Variants in CNOT10 observed in about 807,000 individuals in gnomAD.
CNOT10 encodes CCR4-NOT transcription complex, subunit 10.
Under a neutral mutation model 94.6 loss-of-function variants are expected in CNOT10, and 30 were observed. That is an observed-to-expected ratio of 0.32 (90% CI 0.24 to 0.43). CNOT10 has a LOEUF of 0.43. Ranked by LOEUF, CNOT10 falls within the 20% of genes least tolerant of loss-of-function variation. The pLI, the probability that CNOT10 is intolerant of heterozygous loss-of-function variation, is 1.00. For synonymous variants in CNOT10, 289 were observed against 301.6 expected (o/e 0.96, Z 0.43); for missense variants, 759 against 877.2 (o/e 0.87, Z 1.70).
chr3:32,773,465 C>T lies in CNOT10; in HGVS notation c.2089C>T (p.Gln697Ter). 1 of 1,612,800 alleles carries T rather than the reference C, an allele frequency of 6.2e-7. No individual in the cohort carries two copies. The highest frequency in any genetic ancestry group is 8.5e-7 in the Non-Finnish European group (1 of 1,179,532). ...GGGAAGTGTTTTTATAGGTAATACTCAGCTGGCCTTACAGATCATCAAAAG... is the reference window on the plus strand; with the variant it reads ...GGGAAGTGTTTTTATAGGTAATACTTAGCTGGCCTTACAGATCATCAAAAG... ...VYLELQNGNT[Q>*]LALQIIKRNQ... Residue 697 changes from glutamine (Q) to a stop codon, truncating the protein, a stop_gained, in exon 19 of 19, where the codon CAG becomes TAG. Coordinates refer to ENST00000328834, the MANE Select transcript of CNOT10 (RefSeq NM_015442.3). LOFTEE classifies it high-confidence loss of function.
intron 1 of CNOT10, 127 bp downstream of exon 1, chr3:32,685,609 T>A: frequency 9.9e-7 from 1 of 1,006,624 alleles, no homozygotes; most frequent in Non-Finnish European, 1.5e-6. Context: ...TGCATTTCTT[T>A]ACCCCATCCT....
chr3:32,724,112 CAA>C (rs1698542420), intron 8 of CNOT10, among the ~76,000 whole-genome samples: 1 of 151,810 alleles, frequency 6.6e-6, no homozygotes, highest in South Asian at 2.1e-4. Context: ...GGGTGAAAGA[CAA>C]GAGGCAACAC....
intron 17 of CNOT10, among the ~76,000 whole-genome samples, chr3:32,768,275 CAG>C (rs1700734469): frequency 6.6e-6 from 1 of 152,022 alleles, no homozygotes; most frequent in Non-Finnish European, 1.5e-5. Flanking sequence ...GGATGGAAAA[CAG>C]AGATTTTACT....
intron 8 of CNOT10, among the ~76,000 whole-genome samples, chr3:32,724,574 G>A (rs111280733): frequency 0.061 from 9,317 of 152,046 alleles, 331 homozygotes; most frequent in African/African-American, 0.09. Context: ...CACCACGCCC[G>A]GCTAATTTTT....
Position 32,704,991 on chromosome 3 carries a change from T to G in CNOT10, c.279+19T>G, listed in dbSNP as rs201152620. 4.2e-6 allele frequency: 6 copies of G among 1,440,038 alleles called. No homozygotes were observed. In the Admixed American group the frequency reaches 1.7e-4, roughly 40 times the overall value. The allele number at this position is 1,440,038 out of a possible 1,614,324, so 89.2% of individuals were successfully genotyped here. On this transcript the variant is annotated intron_variant, in intron 3 of 18. Coordinates refer to ENST00000328834, the MANE Select transcript of CNOT10 (RefSeq NM_015442.3). ...GAATCAGGTGATACATAAATGAATT[T>G]AACTATAAAAAATATTGTTCTGTTC...
chr3:32,763,050 A>G (rs1575309383), intron 15 of CNOT10, among the ~76,000 whole-genome samples, 187 bp downstream of exon 15: 1 of 152,248 alleles, frequency 6.6e-6, no homozygotes, highest in Non-Finnish European at 1.5e-5. Flanking sequence ...TAATGATCAC[A>G]TCATCTAAAT....
intron 13 of CNOT10, chr3:32,753,912 T>G: frequency 2.5e-6 from 3 of 1,197,144 alleles, no homozygotes; most frequent in Non-Finnish European, 2.4e-6. Context: ...ATAAATTAAT[T>G]TGCTCTCACA....
At chr3:32,734,374 A>G (rs960489924) in intron 11 of CNOT10, among the ~76,000 whole-genome samples, 1 of 152,220 alleles carries the variant, frequency 6.6e-6, no homozygotes, top group Non-Finnish European at 1.5e-5. Flanking sequence ...CAAAGTGTAT[A>G]GAGGCATTTT....
In CNOT10 at chr3:32,703,916, C is replaced by G. The variant is rs368778952; in HGVS notation, c.71C>G (p.Thr24Ser). Reference protein sequence around the residue: ...HEGTGQSSGITDQEKELSTNA... With the variant: ...HEGTGQSSGISDQEKELSTNA... Reference sequence around the variant, plus strand: ...GGCACAGGTCAGTCCTCTGGGATCACTGATCAAGAGAAGGAGTTATCCACC... The same window carrying G: ...GGCACAGGTCAGTCCTCTGGGATCAGTGATCAAGAGAAGGAGTTATCCACC... Residue 24 changes from threonine to serine, a missense_variant, in exon 2 of 19, where the codon ACT becomes AGT. Thr to Ser is a moderately conservative substitution (Grantham distance 58). Around this residue, in one of 3 missense-constraint regions of CNOT10, gnomAD observed 682 missense variants for 799.4 expected, o/e 0.85. Coordinates refer to ENST00000328834, the MANE Select transcript of CNOT10 (RefSeq NM_015442.3). 84 of 1,613,908 alleles carry G rather than the reference C, an allele frequency of 5.2e-5. No individual in the cohort carries two copies. Among genetic ancestry groups the G allele is most frequent in the Admixed American group, 1.5e-4 (9 of 60,012 alleles).
intron 15 of CNOT10, 67 bp from the exon 16 acceptor site, chr3:32,764,388 C>CGAG: frequency 6.6e-7 from 1 of 1,519,404 alleles, no homozygotes; most frequent in Non-Finnish European, 9.0e-7. Flanking sequence ...CTTCTGAGCC[C>CGAG]GAGGAGAAAA....
chr3:32,711,197 G>C (rs1272664628), intron 4 of CNOT10, among the ~76,000 whole-genome samples: 7 of 152,138 alleles, frequency 4.6e-5, no homozygotes, highest in African/African-American at 1.4e-4. Flanking sequence ...CCATCCCTTG[G>C]TATTCAAGGG....
chr3:32,709,620 C>G (rs6771351), intron 4 of CNOT10, among the ~76,000 whole-genome samples: 5,959 of 152,140 alleles, frequency 0.039, 185 homozygotes, highest in African/African-American at 0.079. Flanking sequence ...GCTCCAGAGA[C>G]CCATTCTGAG....
chr3:32,725,626 G>T (rs771157793), intron 9 of CNOT10, 27 bp downstream of exon 9: 30 of 1,567,342 alleles, frequency 1.9e-5, no homozygotes, highest in Non-Finnish European at 2.5e-5. Flanking sequence ...GGGACAGTTT[G>T]TATTTACTAC....
intron 4 of CNOT10, 93 bp downstream of exon 4, chr3:32,708,913 TC>T: frequency 1.1e-6 from 1 of 946,256 alleles, no homozygotes; most frequent in Non-Finnish European, 1.5e-6. Flanking sequence ...ATCCGAGAAG[TC>T]CATGCCAGTA....
intron 18 of CNOT10, among the ~76,000 whole-genome samples, chr3:32,770,389 G>T (rs1193936068): frequency 4.0e-5 from 5 of 126,492 alleles, no homozygotes; most frequent in Non-Finnish European, 7.9e-5. Context: ...GCAGTGGCGC[G>T]ATCTCGGCTC....
rs751792752 is a variant in CNOT10 at position 32,734,764 on chromosome 3, T to G, written c.1338-36T>G. The G allele has an allele frequency of 5.3e-6, 8 of 1,497,690 alleles. No individual in the cohort carries two copies. The South Asian group carries it at 1.0e-4, about 19-fold the overall frequency. The allele number at this position is 1,497,690 out of a possible 1,614,324, so 92.8% of individuals were successfully genotyped here. On this transcript the variant is annotated intron_variant, in intron 11 of 18. Coordinates refer to ENST00000328834, the MANE Select transcript of CNOT10 (RefSeq NM_015442.3). The stretch of plus-strand genomic sequence containing the variant: ...TAAAAGAGCCTTATTTTAAAATATT[T>G]TATCCACTTAGCTAATTTGGTTTTG...
rs201589505 is a variant in CNOT10, at chr3:32,704,852, A to G, written c.159A>G (p.Leu53=). ...CCTGTCTACAACACCTTGCCTGTCT[A>G]CAAGATATAAACAAAGATGATTATA... is the stretch of plus-strand genomic sequence containing the variant. ...YDACLQHLAC[L]QDINKDDYKI... The change falls in exon 3 of 19, where the codon CTA becomes CTG. Residue 53 remains leucine (L), a synonymous_variant. Coordinates refer to ENST00000328834, the MANE Select transcript of CNOT10 (RefSeq NM_015442.3). The G allele has an allele frequency of 4.9e-5, 77 of 1,572,506 alleles. No homozygotes were observed. The highest frequency in any genetic ancestry group is 1.8e-4 in the African/African-American group (13 of 71,548).
chr3:32,773,775 T>G lies in CNOT10; in HGVS notation c.*164T>G. The G allele has an allele frequency of 3.2e-6, 2 of 622,300 alleles. No homozygotes were observed. The highest frequency in any genetic ancestry group is 2.6e-6 in the Non-Finnish European group (1 of 385,196). The allele number at this position is 622,300 out of a possible 1,614,324, so 38.5% of individuals were successfully genotyped here. ...AGCTTACTTAAAATTAAGGATTTAC[T>G]AAGTCATCATCAGCTGTTTTTCTTA... On this transcript the variant is annotated 3_prime_UTR_variant, in exon 19 of 19. Coordinates refer to ENST00000328834, the MANE Select transcript of CNOT10 (RefSeq NM_015442.3).
chr3:32,771,959 T>C (rs1363772331), intron 18 of CNOT10, among the ~76,000 whole-genome samples: 1 of 152,198 alleles, frequency 6.6e-6, no homozygotes, highest in Non-Finnish European at 1.5e-5. Context: ...CTAGGGCATA[T>C]ACGATCTCCA....
Sources: gnomAD v4.1 joint callset for allele counts (sites outside exome capture counted in the v4.1 genomes callset) on GRCh38, gnomAD v4.1.1 for gene constraint, gnomAD v4.1.1 regional missense constraint, MANE v1.5 for transcripts, NCBI Gene and HGNC (gene_info 2026-07-23, HGNC 2026-07-21) for gene names.